Variants in C12orf42 observed in about 807,000 individuals in gnomAD.
C12orf42 encodes uncharacterized protein C12orf42.
C12orf42 carries 25 observed loss-of-function variants against 21.6 expected under a neutral mutation model. That is an observed-to-expected ratio of 1.16 (90% CI 0.84 to 1.62). The LOEUF (loss-of-function observed/expected upper bound fraction) is 1.62. Among genes scored for constraint, C12orf42 ranks in the 40% most tolerant of loss-of-function variants. The pLI is 0.00. For synonymous variants in C12orf42, 174 were observed against 175.0 expected, an observed-to-expected ratio of 0.99 and a Z score of 0.05; for missense variants, 483 against 459.3, an observed-to-expected ratio of 1.05 and a Z score of -0.47.
At chr12:103,181,300 A>C in the C12orf42 span, among the ~76,000 whole-genome samples, 1 of 151,880 alleles carries the variant, frequency 6.6e-6, no homozygotes, top group Non-Finnish European at 1.5e-5. Context: ...AAAAATAAAA[A>C]ATGAAAAAAA....
the C12orf42 span, among the ~76,000 whole-genome samples, chr12:103,190,514 A>G: frequency 5.3e-5 from 8 of 152,230 alleles, no homozygotes; most frequent in Admixed American, 3.9e-4. Flanking sequence ...TCAAATGGAC[A>G]TATATCAATC....
intron 5 of C12orf42, chr12:103,273,654 C>A: frequency 3.3e-6 from 1 of 301,698 alleles, no homozygotes; most frequent in Non-Finnish European, 6.8e-6. Context: ...GTCTAAAGAC[C>A]CAAGAGGTAA....
the C12orf42 span, among the ~76,000 whole-genome samples, chr12:103,179,772 G>T: frequency 2.6e-5 from 4 of 152,312 alleles, no homozygotes; most frequent in African/African-American, 9.6e-5. Context: ...CAACCATTCA[G>T]GGAAGAAAGA....
At chr12:103,232,483 C>CGG in the C12orf42 span, among the ~76,000 whole-genome samples, 3 of 151,948 alleles carry the variant, frequency 2.0e-5, no homozygotes, top group African/African-American at 7.3e-5. Flanking sequence ...CCGAGGCGGG[C>CGG]GGATCATGAG....
the C12orf42 span, among the ~76,000 whole-genome samples, chr12:103,227,120 A>G: frequency 5.9e-4 from 89 of 152,104 alleles, no homozygotes; most frequent in Non-Finnish European, 1.0e-3. Context: ...AACACAGGCC[A>G]AGGGAGTAGA....
chr12:103,216,592 A>G, the C12orf42 span, among the ~76,000 whole-genome samples: 1 of 151,634 alleles, frequency 6.6e-6, no homozygotes, highest in South Asian at 2.1e-4. Flanking sequence ...GTTAGCCAGG[A>G]TAGTCTCGAT....
the C12orf42 span, among the ~76,000 whole-genome samples, chr12:103,519,339 C>T: frequency 2.6e-5 from 4 of 152,016 alleles, no homozygotes; most frequent in African/African-American, 7.2e-5. Flanking sequence ...TTAAAGTCTA[C>T]ACTTCATACT....
At chr12:103,100,439 C>T in the C12orf42 span, among the ~76,000 whole-genome samples, 2 of 152,202 alleles carry the variant, frequency 1.3e-5, no homozygotes, top group African/African-American at 4.8e-5. Context: ...GAAACAGAAA[C>T]GATTCTGTTC....
chr12:103,303,292 G>A (rs2037923828), intron 5 of C12orf42, among the ~76,000 whole-genome samples: 1 of 151,514 alleles, frequency 6.6e-6, no homozygotes, highest in African/African-American at 2.4e-5. Context: ...ATTTTCATAT[G>A]TATATATAAA....
the C12orf42 span, among the ~76,000 whole-genome samples, chr12:103,153,313 T>C: frequency 3.3e-5 from 5 of 152,168 alleles, no homozygotes; most frequent in Non-Finnish European, 7.4e-5. Flanking sequence ...CTCTAAAAGA[T>C]ACACATTGTT....
chr12:103,142,451 C>T, the C12orf42 span, among the ~76,000 whole-genome samples: 1 of 152,146 alleles, frequency 6.6e-6, no homozygotes, highest in African/African-American at 2.4e-5. Flanking sequence ...GAATGTTTTA[C>T]CCCAGTCAAA....
At chr12:103,143,399 G>A in the C12orf42 span, among the ~76,000 whole-genome samples, 5 of 152,170 alleles carry the variant, frequency 3.3e-5, no homozygotes, top group East Asian at 1.9e-4. Flanking sequence ...GTTTATCTTC[G>A]GTAGCATTCC....
At chr12:103,440,785 A>T (rs1035115005) in intron 2 of C12orf42, among the ~76,000 whole-genome samples, 1 of 152,174 alleles carries the variant, frequency 6.6e-6, no homozygotes, top group African/African-American at 2.4e-5. Flanking sequence ...TACAATGTAC[A>T]GTAGCTTAGG....
the C12orf42 span, among the ~76,000 whole-genome samples, chr12:103,127,967 G>C: frequency 0.032 from 4,833 of 152,252 alleles, 269 homozygotes; most frequent in African/African-American, 0.11. Flanking sequence ...CCCTTAAAGA[G>C]TCACATTCTT....
intron 2 of C12orf42, among the ~76,000 whole-genome samples, chr12:103,424,774 T>TTTTTG (rs1235591204): frequency 4.0e-5 from 6 of 150,818 alleles, no homozygotes; most frequent in Admixed American, 6.6e-5. Context: ...GCTGCAGGAG[T>TTTTTG]TTTTGTTTTG....
the C12orf42 span, among the ~76,000 whole-genome samples, chr12:103,072,456 A>G: frequency 4.6e-5 from 7 of 151,984 alleles, no homozygotes; most frequent in African/African-American, 1.2e-4. Context: ...AAAAAAAAAA[A>G]GAAAATACAT....
the C12orf42 span, among the ~76,000 whole-genome samples, chr12:103,142,273 C>T: frequency 3.3e-5 from 5 of 152,288 alleles, no homozygotes; most frequent in East Asian, 9.6e-4. Flanking sequence ...GTAGATTTTA[C>T]TGTCACTTTC....
At chr12:103,280,122 C>T (rs908308008) in intron 4 of C12orf42, among the ~76,000 whole-genome samples, 1 of 152,112 alleles carries the variant, frequency 6.6e-6, no homozygotes, top group Non-Finnish European at 1.5e-5. Flanking sequence ...AATATGACCT[C>T]ACTTCATTCT....
At chr12:103,105,224 T>C in the C12orf42 span, among the ~76,000 whole-genome samples, 1 of 152,098 alleles carries the variant, frequency 6.6e-6, no homozygotes, top group South Asian at 2.1e-4. Flanking sequence ...AATGATCCAC[T>C]GTAAGGGAGA....
Sources: allele counts gnomAD v4.1 joint callset (sites outside exome capture counted in the v4.1 genomes callset), GRCh38; gene constraint gnomAD v4.1.1; transcripts MANE v1.5; gene names NCBI Gene and HGNC (gene_info 2026-07-23, HGNC 2026-07-21).